Variants in GPC6 observed in about 807,000 individuals in gnomAD.
GPC6 encodes glypican-6.
A neutral mutation model predicts 55.2 loss-of-function variants in GPC6; 14 were observed. The ratio of observed to expected loss-of-function variants is 0.25; its 90% CI spans 0.17 to 0.40. The LOEUF is 0.40. Among genes scored for constraint, GPC6 ranks in the 10% least tolerant of loss-of-function variants. GPC6 has a pLI of 1.00. For missense variants in GPC6, 641 were observed against 708.5 expected, an observed-to-expected ratio of 0.90 and a Z score of 1.08; for synonymous variants, 278 against 259.6, an observed-to-expected ratio of 1.07 and a Z score of -0.68.
chr13:93,906,133 A>T (rs1876652627), intron 3 of GPC6, among the ~76,000 whole-genome samples: 1 of 152,060 alleles, frequency 6.6e-6, no homozygotes, highest in Non-Finnish European at 1.5e-5. Flanking sequence ...TGGCTCCTGG[A>T]CCCACAAAAA....
chr13:93,951,799 A>G (rs1184124803), intron 3 of GPC6, among the ~76,000 whole-genome samples: 1 of 152,146 alleles, frequency 6.6e-6, no homozygotes, highest in Non-Finnish European at 1.5e-5. Flanking sequence ...AATTTTTTTT[A>G]TAAGAGAACT....
chr13:94,044,064 A>G (rs1027438649), intron 4 of GPC6, among the ~76,000 whole-genome samples: 1 of 151,754 alleles, frequency 6.6e-6, no homozygotes, highest in Non-Finnish European at 1.5e-5. Context: ...TCAAAACTAT[A>G]CAAAAGTTAT....
chr13:93,321,247 C>T (rs1028877096), intron 1 of GPC6, among the ~76,000 whole-genome samples: 3 of 152,140 alleles, frequency 2.0e-5, no homozygotes, highest in Non-Finnish European at 4.4e-5. Context: ...TTCAGCCTTC[C>T]CAGTGCCTAA....
At chr13:94,035,927 G>T (rs1047755224) in intron 4 of GPC6, among the ~76,000 whole-genome samples, 2 of 151,874 alleles carry the variant, frequency 1.3e-5, no homozygotes, top group African/African-American at 2.4e-5. Flanking sequence ...TTTCCTCAGG[G>T]TTGTTTCTTT....
intron 2 of GPC6, among the ~76,000 whole-genome samples, chr13:93,695,649 A>G (rs1882425646): frequency 6.6e-6 from 1 of 152,124 alleles, no homozygotes; most frequent in African/African-American, 2.4e-5. Flanking sequence ...ATCTTTAAAC[A>G]TTTCCACTCC....
At chr13:93,240,498 T>G (rs1876393204) in intron 1 of GPC6, among the ~76,000 whole-genome samples, 1 of 152,112 alleles carries the variant, frequency 6.6e-6, no homozygotes, top group African/African-American at 2.4e-5. Context: ...GAATATTTTG[T>G]TCCACTCCTT....
intron 3 of GPC6, among the ~76,000 whole-genome samples, chr13:93,953,922 T>G (rs1278178714): frequency 6.6e-6 from 1 of 152,212 alleles, no homozygotes; most frequent in African/African-American, 2.4e-5. Context: ...ACACATCACA[T>G]AAAATTCACT....
intron 4 of GPC6, among the ~76,000 whole-genome samples, chr13:94,245,129 C>A (rs970095739): frequency 5.3e-5 from 8 of 152,064 alleles, no homozygotes; most frequent in African/African-American, 1.9e-4. Flanking sequence ...GTTCATCCTA[C>A]ATATTTGCTA....
chr13:93,864,246 T>C (rs990711141), intron 3 of GPC6, among the ~76,000 whole-genome samples: 13 of 151,788 alleles, frequency 8.6e-5, no homozygotes, highest in African/African-American at 3.1e-4. Context: ...GATAACTGCC[T>C]TTCTCTTTCT....
At chr13:93,542,342 G>A (rs889312916) in intron 1 of GPC6, among the ~76,000 whole-genome samples, 2 of 151,980 alleles carry the variant, frequency 1.3e-5, no homozygotes, top group East Asian at 3.9e-4. Context: ...GTAGATATGC[G>A]GCATTATTTC....
intron 5 of GPC6, among the ~76,000 whole-genome samples, chr13:94,292,355 G>A (rs888100418): frequency 2.0e-5 from 3 of 152,130 alleles, no homozygotes; most frequent in Admixed American, 2.0e-4. Flanking sequence ...TAAGTATTAG[G>A]AGAAAGTTCA....
At chr13:94,012,655 A>G (rs1450073238) in intron 3 of GPC6, among the ~76,000 whole-genome samples, 1 of 152,176 alleles carries the variant, frequency 6.6e-6, no homozygotes, top group Non-Finnish European at 1.5e-5. Flanking sequence ...TTCACCTCTT[A>G]CCATATGCCA....
At chr13:93,391,716 G>T (rs1875638885) in intron 1 of GPC6, among the ~76,000 whole-genome samples, 1 of 152,150 alleles carries the variant, frequency 6.6e-6, no homozygotes, top group Admixed American at 6.5e-5. Flanking sequence ...TTCATTTCTT[G>T]GGGTTCTTTT....
chr13:93,955,941 C>A (rs1879489913), intron 3 of GPC6, among the ~76,000 whole-genome samples: 1 of 151,994 alleles, frequency 6.6e-6, no homozygotes. Context: ...GTCTTTTCTG[C>A]CTTCATCTAC....
At chr13:93,775,444 T>C (rs1885436821) in intron 2 of GPC6, among the ~76,000 whole-genome samples, 2 of 152,216 alleles carry the variant, frequency 1.3e-5, no homozygotes, top group South Asian at 4.1e-4. Context: ...GCCTAGAGTC[T>C]AAAGCATTCC....
intron 3 of GPC6, among the ~76,000 whole-genome samples, chr13:93,835,717 A>G (rs1488856084): frequency 6.6e-6 from 1 of 152,160 alleles, no homozygotes; most frequent in Non-Finnish European, 1.5e-5. Context: ...ACGCCATTGC[A>G]CTCCAACCTG....
chr13:94,004,445 T>G (rs1881931666), intron 3 of GPC6, among the ~76,000 whole-genome samples: 1 of 152,008 alleles, frequency 6.6e-6, no homozygotes, highest in South Asian at 2.1e-4. Flanking sequence ...TGTCTGAAAA[T>G]TCAAGGGCTG....
intron 4 of GPC6, among the ~76,000 whole-genome samples, chr13:94,229,840 T>C (rs1890667970): frequency 6.6e-6 from 1 of 152,210 alleles, no homozygotes; most frequent in South Asian, 2.1e-4. Context: ...CCCAACTCAC[T>C]TGAAAATCAA....
chr13:94,179,083 C>T (rs1439145640), intron 4 of GPC6, among the ~76,000 whole-genome samples: 1 of 152,176 alleles, frequency 6.6e-6, no homozygotes, highest in African/African-American at 2.4e-5. Context: ...CAGATCGTCT[C>T]GTTTCTGTGG....
Sources: allele counts gnomAD v4.1 joint callset (sites outside exome capture counted in the v4.1 genomes callset), GRCh38; gene constraint gnomAD v4.1.1; transcripts MANE v1.5; gene names NCBI Gene and HGNC (gene_info 2026-07-23, HGNC 2026-07-21).